The following NFATC3 variants were observed in gnomAD, a reference collection of about 807,000 sequenced individuals.
NFATC3 encodes nuclear factor of activated T-cells, cytoplasmic 3.
NFATC3 carries 46 observed loss-of-function variants against 98.6 expected under a neutral mutation model. The observed-to-expected ratio is 0.47, with a 90% confidence interval of 0.37 to 0.60. The LOEUF is 0.60. NFATC3 is among the 20% of genes least tolerant of loss of function. NFATC3 has a pLI of 0.00. For missense variants in NFATC3, 1,256 were observed against 1,295.5 expected (o/e 0.97, Z 0.47); for synonymous variants, 512 against 472.2 (o/e 1.08, Z -1.09).
intron 3 of NFATC3, among the ~76,000 whole-genome samples, chr16:68,134,718 G>C (rs2037297479): frequency 6.6e-6 from 1 of 152,098 alleles, no homozygotes; most frequent in African/African-American, 2.4e-5. Context: ...TTTTTGGGGG[G>C]ATGGGGGATA....
chr16:68,086,821 T>C lies in NFATC3; in HGVS notation c.103+1037T>C, dbSNP rs1270256769. 4 of 968,886 alleles carry C rather than the reference T, an allele frequency of 4.1e-6. No individual in the cohort carries two copies. In the South Asian group the frequency reaches 1.4e-4, roughly 35 times the overall value. 60.0% of individuals were successfully genotyped at this position (968,886 alleles called of 1,614,324 possible). On this transcript the variant is annotated intron_variant, in intron 1 of 9. Coordinates refer to ENST00000346183, the MANE Select transcript of NFATC3 (RefSeq NM_173165.3). The stretch of plus-strand genomic sequence containing the variant: ...GCGGTACTTATTTTATCGGTCCTTT[T>C]AGTCTTCATATGCTAGATGTCTTTT...
At chr16:68,135,181 G>A (rs1005437733) in intron 3 of NFATC3, among the ~76,000 whole-genome samples, 5 of 151,986 alleles carry the variant, frequency 3.3e-5, no homozygotes, top group Non-Finnish European at 5.9e-5. Context: ...AACTGTGGCC[G>A]GGCGCGGTGG....
At position 68,226,372 on chromosome 16, in the gene NFATC3, C is replaced by T. The variant is rs2042038573; in HGVS notation, c.3129C>T (p.Asp1043=). The T allele has an allele frequency of 6.4e-7, 1 of 1,570,146 alleles. No homozygotes were observed. Among genetic ancestry groups the T allele is most frequent in the Non-Finnish European group, 8.6e-7 (1 of 1,163,006 alleles). Reference sequence around the variant, plus strand: ...CAGTGAACGAGATAATTGGGAGAGACATGTCCCAGATTTCTGTTTCCCAAG... The same window carrying T: ...CAGTGAACGAGATAATTGGGAGAGATATGTCCCAGATTTCTGTTTCCCAAG... The part of the protein sequence containing the change: ...LDDVNEIIGR[D]MSQISVSQGA... Residue 1043 remains aspartate (D), a synonymous_variant, in exon 10 of 10, where the codon GAC becomes GAT. Coordinates refer to ENST00000346183, the MANE Select transcript of NFATC3 (RefSeq NM_173165.3).
chr16:68,184,224 C>CT (rs1224590578), intron 8 of NFATC3, among the ~76,000 whole-genome samples: 1 of 151,798 alleles, frequency 6.6e-6, no homozygotes, highest in Non-Finnish European at 1.5e-5. Flanking sequence ...ACAGACAGAA[C>CT]ATCAGTGATG....
At chr16:68,217,936 C>T in intron 9 of NFATC3, 1 of 1,224,436 alleles carries the variant, frequency 8.2e-7, no homozygotes, top group Non-Finnish European at 1.0e-6. Flanking sequence ...CTAACTAAAC[C>T]TCGATTACTG....
intron 9 of NFATC3, chr16:68,214,489 C>T (rs947178638): frequency 1.5e-4 from 218 of 1,476,638 alleles, no homozygotes; most frequent in Non-Finnish European, 1.9e-4. Context: ...TATTTGCATG[C>T]AGTGGCTGGA....
At position 68,192,230 on chromosome 16, in the gene NFATC3, A is replaced by ATATATAT. The variant is rs10642778; in HGVS notation, c.3106+455_3106+456insTATATAT. On this transcript the variant is annotated intron_variant, in intron 9 of 9. Transcript: ENST00000346183. Reference sequence around the variant, plus strand: ...CTCGGGAAAAAAAAAAAAAAAAAAAAATATATATATATATATATATATATG... The same window carrying ATATATAT: ...CTCGGGAAAAAAAAAAAAAAAAAAAATATATATATATATATATATATATATATATATG... 7.1e-3 allele frequency: 590 copies of ATATATAT among 82,558 alleles called. 15 individuals carry two copies. Among genetic ancestry groups the ATATATAT allele is most frequent in the African/African-American group, 9.7e-3 (170 of 17,438 alleles). 5.1% of individuals were successfully genotyped at this position (82,558 alleles called of 1,614,324 possible). A position where few individuals can be genotyped will look rare whatever the true frequency, so the allele number is the denominator to read the frequency against.
chr16:68,132,439 C>T (rs1244797396), intron 3 of NFATC3, among the ~76,000 whole-genome samples: 1 of 152,172 alleles, frequency 6.6e-6, no homozygotes, highest in Non-Finnish European at 1.5e-5. Flanking sequence ...ATCCTTTACA[C>T]TGCTAGTGGG....
intron 3 of NFATC3, among the ~76,000 whole-genome samples, chr16:68,130,965 G>A (rs1324575315): frequency 6.6e-6 from 1 of 152,116 alleles, no homozygotes; most frequent in Non-Finnish European, 1.5e-5. Context: ...GTAAATACAG[G>A]AATTTATTTC....
chr16:68,125,465 A>G (rs1002024612), intron 2 of NFATC3, among the ~76,000 whole-genome samples: 3 of 152,220 alleles, frequency 2.0e-5, no homozygotes, highest in Non-Finnish European at 2.9e-5. Context: ...TTGTTTTCCA[A>G]CCAAGCATGT....
intron 1 of NFATC3, among the ~76,000 whole-genome samples, chr16:68,121,185 C>T (rs1365972536): frequency 6.7e-6 from 1 of 150,304 alleles, no homozygotes; most frequent in Non-Finnish European, 1.5e-5. Flanking sequence ...TTTTCAGCTA[C>T]ATTGAGTTGG....
At chr16:68,174,888 A>G (rs75796305) in intron 6 of NFATC3, among the ~76,000 whole-genome samples, 18,152 of 152,186 alleles carry the variant, frequency 0.12, 1,226 homozygotes, top group South Asian at 0.2. Flanking sequence ...AGATGTCTGA[A>G]AAGTAGAATT....
At chr16:68,200,638 A>C (rs1189343670) in intron 9 of NFATC3, 2 of 152,126 alleles carry the variant, frequency 1.3e-5, no homozygotes, top group Non-Finnish European at 2.9e-5. Flanking sequence ...GTCCCCCTGG[A>C]AGGCTGTAAT....
intron 3 of NFATC3, among the ~76,000 whole-genome samples, chr16:68,143,389 T>C: frequency 6.6e-6 from 1 of 152,238 alleles, no homozygotes; most frequent in Non-Finnish European, 1.5e-5. Flanking sequence ...TAACTCTATG[T>C]AACATACTGT....
intron 1 of NFATC3, among the ~76,000 whole-genome samples, chr16:68,109,365 A>G (rs2035827773): frequency 6.6e-6 from 1 of 152,080 alleles, no homozygotes; most frequent in South Asian, 2.1e-4. Flanking sequence ...TGTTTATGTG[A>G]TGGATTACAT....
chr16:68,183,268 A>G lies in NFATC3; in HGVS notation c.2000A>G (p.Tyr667Cys), dbSNP rs1810789841. 6.2e-7 allele frequency: 1 copy of G among 1,600,738 alleles called. No individual in the cohort carries two copies. Among genetic ancestry groups the G allele is most frequent in the Non-Finnish European group, 8.5e-7 (1 of 1,176,112 alleles). ...GAHIVLEVPP[Y>C]HNPAVTAAVQ... is the part of the protein sequence containing the mutation. The stretch of plus-strand genomic sequence containing the variant: ...CACATTGTCCTTGAAGTTCCTCCAT[A>G]TCATAACCCAGCAGTTACAGCTGCA... Residue 667 changes from tyrosine to cysteine, a missense_variant, in exon 8 of 10, where the codon TAT becomes TGT. By Grantham distance (194) the Tyr-to-Cys change is radical (BLOSUM62 -2). Coordinates refer to ENST00000346183, the MANE Select transcript of NFATC3 (RefSeq NM_173165.3).
At chr16:68,111,880 G>A (rs1209157321) in intron 1 of NFATC3, among the ~76,000 whole-genome samples, 1 of 152,060 alleles carries the variant, frequency 6.6e-6, no homozygotes, top group Non-Finnish European at 1.5e-5. Context: ...TTTCACTTAC[G>A]AAGCTTAATT....
At chr16:68,114,598 C>T (rs1302178371) in intron 1 of NFATC3, among the ~76,000 whole-genome samples, 9 of 139,708 alleles carry the variant, frequency 6.4e-5, no homozygotes, top group East Asian at 2.1e-4. Context: ...TTTTTTGAGA[C>T]GGAGTCTTGC....
chr16:68,104,308 T>A (rs1202120839), intron 1 of NFATC3, among the ~76,000 whole-genome samples: 2 of 152,344 alleles, frequency 1.3e-5, no homozygotes, highest in Middle Eastern at 3.4e-3. Context: ...TAGAATTTTC[T>A]TAATTTCCTT....
Sources: gnomAD v4.1 joint callset for allele counts (sites outside exome capture counted in the v4.1 genomes callset) on GRCh38, gnomAD v4.1.1 for gene constraint, MANE v1.5 for transcripts, NCBI Gene and HGNC (gene_info 2026-07-23, HGNC 2026-07-21) for gene names.